Variants in PTPRO observed in about 807,000 individuals in gnomAD.
The protein encoded by PTPRO is receptor-type tyrosine-protein phosphatase O.
In PTPRO, 62 loss-of-function variants were observed where a neutral mutation model predicts 145.2. That is an observed-to-expected ratio of 0.43 (90% CI 0.35 to 0.53). The LOEUF is 0.53. Ranked by LOEUF, PTPRO falls within the 20% of genes least tolerant of loss-of-function variation. The pLI, the probability that PTPRO is intolerant of heterozygous loss-of-function variation, is 0.01. For synonymous variants in PTPRO, 565 were observed against 514.7 expected, an observed-to-expected ratio of 1.10 and a Z score of -1.32; for missense variants, 1,345 against 1,482.7, an observed-to-expected ratio of 0.91 and a Z score of 1.53.
chr12:15,430,867 G>T (rs1031530481), intron 1 of PTPRO, among the ~76,000 whole-genome samples: 11 of 152,040 alleles, frequency 7.2e-5, no homozygotes, highest in South Asian at 4.1e-4. Flanking sequence ...GTAAATGAAT[G>T]AATGAATGAA....
At chr12:15,393,267 C>T (rs1565604192) in intron 1 of PTPRO, among the ~76,000 whole-genome samples, 1 of 152,060 alleles carries the variant, frequency 6.6e-6, no homozygotes. Flanking sequence ...ATTTCTGATT[C>T]CTTTGTCATT....
chr12:15,408,500 T>G (rs778065589), intron 1 of PTPRO, among the ~76,000 whole-genome samples: 58 of 152,290 alleles, frequency 3.8e-4, no homozygotes, highest in South Asian at 2.3e-3. Context: ...ATGATCTCCC[T>G]CACTGCAAAC....
chr12:15,456,906 C>T (rs988227681), intron 1 of PTPRO, among the ~76,000 whole-genome samples: 1 of 151,988 alleles, frequency 6.6e-6, no homozygotes, highest in African/African-American at 2.4e-5. Flanking sequence ...ATCTTTTAAA[C>T]AAACCAATTC....
chr12:15,363,986 A>C (rs1174828928), intron 1 of PTPRO, among the ~76,000 whole-genome samples: 1 of 152,236 alleles, frequency 6.6e-6, no homozygotes, highest in African/African-American at 2.4e-5. Context: ...AACAAGATGT[A>C]GCTTAATGAA....
intron 10 of PTPRO, among the ~76,000 whole-genome samples, chr12:15,521,202 T>TA (rs945890440): frequency 5.3e-5 from 8 of 152,180 alleles, no homozygotes; most frequent in East Asian, 1.9e-4. Flanking sequence ...AGTAGACATC[T>TA]AGTTTACTCT....
At chr12:15,332,177 G>A (rs1011738311) in intron 1 of PTPRO, among the ~76,000 whole-genome samples, 3 of 151,946 alleles carry the variant, frequency 2.0e-5, no homozygotes, top group Admixed American at 2.0e-4. Flanking sequence ...ATGTTGGCCA[G>A]GTTGGTCTTG....
chr12:15,497,902 C>A (rs1942140703), intron 3 of PTPRO, among the ~76,000 whole-genome samples: 3 of 151,996 alleles, frequency 2.0e-5, no homozygotes, highest in Admixed American at 2.0e-4. Flanking sequence ...TTGATGGGAA[C>A]CTTGAGGGGA....
At chr12:15,326,374 C>T (rs1034834995) in intron 1 of PTPRO, among the ~76,000 whole-genome samples, 41 of 152,184 alleles carry the variant, frequency 2.7e-4, no homozygotes, top group African/African-American at 9.7e-4. Context: ...GCTCCCTGGG[C>T]CATGCTTCTA....
At chr12:15,570,989 T>C (rs757677273) in intron 19 of PTPRO, among the ~76,000 whole-genome samples, 1 of 152,124 alleles carries the variant, frequency 6.6e-6, no homozygotes, top group Non-Finnish European at 1.5e-5. Context: ...TAGTTGTGAG[T>C]GACAAAAACA....
chr12:15,523,422 A>G (rs1055632259), intron 10 of PTPRO, among the ~76,000 whole-genome samples: 5 of 152,202 alleles, frequency 3.3e-5, no homozygotes, highest in Admixed American at 2.6e-4. Context: ...CAGAGCCTAT[A>G]TAGTATAAAG....
intron 1 of PTPRO, among the ~76,000 whole-genome samples, chr12:15,448,832 T>C (rs1406925246): frequency 2.0e-5 from 3 of 152,002 alleles, no homozygotes; most frequent in Non-Finnish European, 4.4e-5. Context: ...ATATATACAA[T>C]GGAACATTAT....
At chr12:15,452,149 C>T (rs1841519) in intron 1 of PTPRO, among the ~76,000 whole-genome samples, 130,784 of 152,084 alleles carry the variant, frequency 0.86, 59,106 homozygotes, top group Non-Finnish European at 0.99. Flanking sequence ...CAATTAGAAA[C>T]GAAAAAGGAG....
chr12:15,581,552 A>C, intron 22 of PTPRO, 127 bp from the exon 23 acceptor site: 3 of 1,094,526 alleles, frequency 2.7e-6, no homozygotes, highest in Non-Finnish European at 4.0e-6. Flanking sequence ...GGTTTGCTTT[A>C]TGTTTCATCT....
chr12:15,447,058 G>A (rs542092169), intron 1 of PTPRO, among the ~76,000 whole-genome samples: 1 of 152,212 alleles, frequency 6.6e-6, no homozygotes, highest in East Asian at 1.9e-4. Context: ...GCTTACAGAA[G>A]CCTACATTCA....
At chr12:15,384,903 A>C (rs11608408) in intron 1 of PTPRO, among the ~76,000 whole-genome samples, 22,504 of 152,216 alleles carry the variant, frequency 0.15, 3,756 homozygotes, top group African/African-American at 0.41. Context: ...GAAAATATTA[A>C]TGAACGCTGA....
At position 15,516,374 on chromosome 12, in the gene PTPRO, A is replaced by C. The variant is rs73066620; in HGVS notation, c.1586-389A>C. Among the ~76,000 whole-genome samples, 767 of 150,420 alleles carry C rather than the reference A, an allele frequency of 5.1e-3. 6 individuals carry two copies. The highest frequency in any genetic ancestry group is 9.0e-3 in the Non-Finnish European group (610 of 67,542). On this transcript the variant is annotated intron_variant, in intron 8 of 26. Transcript: ENST00000281171. ...AGAAAAGAAAGAAAAGAAGAAAGAA[A>C]GAACGAACGAAAGAGAGAGAGAGAG...
chr12:15,584,546 GA>G (rs1204378627), intron 23 of PTPRO, among the ~76,000 whole-genome samples: 1 of 152,186 alleles, frequency 6.6e-6, no homozygotes, highest in Non-Finnish European at 1.5e-5. Context: ...ACAATCATGT[GA>G]AGGACTTGAA....
Position 15,569,514 on chromosome 12 carries a change from C to T in PTPRO, c.2829+16C>T. 6.3e-7 allele frequency: 1 copy of T among 1,588,066 alleles called. No individual in the cohort carries two copies. The highest frequency in any genetic ancestry group is 8.6e-7 in the Non-Finnish European group (1 of 1,156,586). On this transcript the variant is annotated intron_variant, in intron 19 of 26. Transcript: ENST00000281171. ...TCAGTTTGAGGTGAGTTGGTTAAGG[C>T]ATTTTCTACCTTCTGTAATGGAAAG...
intron 1 of PTPRO, among the ~76,000 whole-genome samples, chr12:15,434,209 T>G (rs1295825116): frequency 1.3e-5 from 2 of 152,244 alleles, no homozygotes; most frequent in Non-Finnish European, 2.9e-5. Flanking sequence ...TTAACAATGT[T>G]TAAACTTGCC....
Sources: gnomAD v4.1 joint callset for allele counts (sites outside exome capture counted in the v4.1 genomes callset) on GRCh38, gnomAD v4.1.1 for gene constraint, MANE v1.5 for transcripts, NCBI Gene and HGNC (gene_info 2026-07-23, HGNC 2026-07-21) for gene names.